TTLL5: variants seen among roughly 807,000 people sequenced by gnomAD.
TTLL5 encodes tubulin polyglutamylase TTLL5.
Under a neutral mutation model 168.4 loss-of-function variants are expected in TTLL5, and 132 were observed. That is an observed-to-expected ratio of 0.78 (90% CI 0.68 to 0.91). TTLL5 has a LOEUF of 0.91. Ranked by LOEUF, TTLL5 falls within the 40% of genes least tolerant of loss-of-function variation. TTLL5 has a pLI of 0.00. For missense variants in TTLL5, 1,545 were observed against 1,581.5 expected (o/e 0.98, Z 0.39); for synonymous variants, 546 against 558.6 (o/e 0.98, Z 0.32).
intron 10 of TTLL5, 68 bp downstream of exon 10, chr14:75,718,030 A>G: frequency 7.0e-7 from 1 of 1,431,504 alleles, no homozygotes; most frequent in Non-Finnish European, 9.8e-7. Flanking sequence ...AGAGGTGGAA[A>G]GGTAACATGT....
chr14:75,887,125 TG>T (rs2032162925), intron 30 of TTLL5: 1 of 1,068,546 alleles, frequency 9.4e-7, no homozygotes. Context: ...CCCAGGACAG[TG>T]GTGTCTGTTA....
intron 5 of TTLL5, 28 bp downstream of exon 5, chr14:75,683,684 C>T (rs770120812): frequency 1.0e-5 from 16 of 1,558,042 alleles, no homozygotes; most frequent in Non-Finnish European, 1.3e-5. Context: ...TGCTTTGCTT[C>T]ATTTAAAGGT....
At chr14:75,899,705 TGGGAACCA>T (rs1367230166) in intron 30 of TTLL5, among the ~76,000 whole-genome samples, 1 of 152,074 alleles carries the variant, frequency 6.6e-6, no homozygotes, top group Admixed American at 6.5e-5. Flanking sequence ...TGAGTGAAAC[TGGGAACCA>T]GGGACCATAG....
At chr14:75,661,435 C>G (rs1331852066) in intron 1 of TTLL5, 48 bp downstream of exon 1, 2 of 152,324 alleles carry the variant, frequency 1.3e-5, no homozygotes, top group Non-Finnish European at 2.9e-5. Context: ...AGGAGCATTC[C>G]CGGGTCCGGG....
intron 31 of TTLL5, among the ~76,000 whole-genome samples, chr14:75,933,332 A>T (rs10145680): frequency 2.2e-4 from 33 of 152,186 alleles, no homozygotes; most frequent in African/African-American, 7.7e-4. Flanking sequence ...GTGTGGTTGC[A>T]TGTGCCTGTA....
At chr14:75,715,264 CTTTTTTTTTTT>C (rs1201985101) in intron 9 of TTLL5, among the ~76,000 whole-genome samples, 15 of 130,950 alleles carry the variant, frequency 1.1e-4, no homozygotes, top group Non-Finnish European at 1.9e-4. Flanking sequence ...CACCATCTTC[CTTTTTTTTTTT>C]TTTTTTTTTT....
chr14:75,898,062 T>C (rs2032752571), intron 30 of TTLL5, among the ~76,000 whole-genome samples: 1 of 152,262 alleles, frequency 6.6e-6, no homozygotes, highest in Non-Finnish European at 1.5e-5. Context: ...TTGATACTTC[T>C]ATAACTCCAG....
At chr14:75,874,344 G>A (rs936114686) in intron 29 of TTLL5, among the ~76,000 whole-genome samples, 5 of 152,060 alleles carry the variant, frequency 3.3e-5, no homozygotes, top group Admixed American at 6.6e-5. Flanking sequence ...CACCCGCCTC[G>A]GCCTCCCAAA....
intron 29 of TTLL5, among the ~76,000 whole-genome samples, chr14:75,872,988 A>G (rs1303381767): frequency 6.6e-6 from 1 of 151,940 alleles, no homozygotes; most frequent in Admixed American, 6.6e-5. Flanking sequence ...TAGGTAGAAA[A>G]CATGTAAATG....
rs1267638209 is a variant in TTLL5, at chr14:75,690,226, A to C, written c.406A>C (p.Lys136Gln). The C allele has an allele frequency of 1.9e-6, 3 of 1,613,444 alleles. No individual in the cohort carries two copies. The highest frequency in any genetic ancestry group is 2.5e-6 in the Non-Finnish European group (3 of 1,179,826). Reference protein sequence around the residue: ...YELTRKDRLYKNIIRMQHTHG... With the variant: ...YELTRKDRLYQNIIRMQHTHG... ...ACTTACCCGGAAGGACCGACTGTAC[A>C]AAAACATTATTCGAATGCAGCATAC... The change falls in exon 6 of 32, where the codon AAA (lysine) becomes CAA (glutamine). Residue 136 changes from lysine to glutamine, a missense_variant. Physicochemically the swap from Lys to Gln is moderately conservative, Grantham distance 53. Transcript: ENST00000298832.
At chr14:75,794,583 T>C (rs141382130) in intron 27 of TTLL5, among the ~76,000 whole-genome samples, 2 of 152,326 alleles carry the variant, frequency 1.3e-5, no homozygotes, top group Non-Finnish European at 2.9e-5. Context: ...TGTATCCTGA[T>C]TGGGAAGTCA....
intron 31 of TTLL5, among the ~76,000 whole-genome samples, chr14:75,937,208 C>T (rs969215389): frequency 2.6e-5 from 4 of 152,082 alleles, no homozygotes; most frequent in South Asian, 4.1e-4. Context: ...CTGCCAACTC[C>T]CTGGTTCAAG....
At chr14:75,757,858 A>G (rs1451975464) in intron 18 of TTLL5, 3 of 1,592,204 alleles carry the variant, frequency 1.9e-6, no homozygotes, top group Non-Finnish European at 2.5e-6. Flanking sequence ...GCTTATTGAC[A>G]GGAAGAACAC....
At chr14:75,675,416 G>A (rs1004670964) in intron 3 of TTLL5, among the ~76,000 whole-genome samples, 6 of 152,138 alleles carry the variant, frequency 3.9e-5, no homozygotes, top group African/African-American at 1.2e-4. Context: ...TTATTGGTTT[G>A]TTTTCATTTG....
intron 18 of TTLL5, among the ~76,000 whole-genome samples, chr14:75,762,068 C>T (rs1890680678): frequency 1.3e-5 from 2 of 151,980 alleles, no homozygotes; most frequent in African/African-American, 2.4e-5. Context: ...GTTCACTGTA[C>T]AATTCTTTAA....
At chr14:75,949,060 G>A (rs1368253764) in intron 31 of TTLL5, among the ~76,000 whole-genome samples, 6 of 152,030 alleles carry the variant, frequency 3.9e-5, no homozygotes, top group Admixed American at 2.0e-4. Context: ...AAATTATATA[G>A]GATCAGAAGG....
chr14:75,880,587 C>G (rs2031753326), intron 29 of TTLL5, among the ~76,000 whole-genome samples: 1 of 152,182 alleles, frequency 6.6e-6, no homozygotes, highest in Admixed American at 6.5e-5. Context: ...TTACACCTAA[C>G]CTCAATTATT....
In TTLL5 at chr14:75,699,121, A is replaced by G. The variant is rs115816436; in HGVS notation, c.503-67A>G. On this transcript the variant is annotated intron_variant, in intron 6 of 31. Coordinates refer to ENST00000298832, the MANE Select transcript of TTLL5 (RefSeq NM_015072.5). The stretch of plus-strand genomic sequence containing the variant: ...TAGATAACCCTTTTTGAAAGTTGAT[A>G]TAATAAACTCAAGTTCATTCTTTTT... 1.9e-3 allele frequency: 2,669 copies of G among 1,412,820 alleles called. 40 individuals carry two copies. The African/African-American group carries it at 0.033, about 17-fold the overall frequency. 87.5% of individuals were successfully genotyped at this position (1,412,820 alleles called of 1,614,324 possible). A position where few individuals can be genotyped will look rare whatever the true frequency, so the allele number is the denominator to read the frequency against.
intron 3 of TTLL5, among the ~76,000 whole-genome samples, chr14:75,671,261 A>G (rs1256351831): frequency 2.0e-5 from 3 of 152,228 alleles, no homozygotes; most frequent in Admixed American, 6.5e-5. Context: ...ATTGAACTAT[A>G]CATTTATCCT....
Sources: allele counts gnomAD v4.1 joint callset (sites outside exome capture counted in the v4.1 genomes callset), GRCh38; gene constraint gnomAD v4.1.1; transcripts MANE v1.5; gene names NCBI Gene and HGNC (gene_info 2026-07-23, HGNC 2026-07-21).